The following DISC1 variants were observed in gnomAD, a reference collection of about 807,000 sequenced individuals.
DISC1 encodes DISC1 scaffold protein, also known as disrupted in schizophrenia 1 protein.
A neutral mutation model predicts 84.5 loss-of-function variants in DISC1; 57 were observed. The ratio of observed to expected loss-of-function variants is 0.67; its 90% CI spans 0.55 to 0.84. The LOEUF is 0.84. Among genes scored for constraint, DISC1 ranks in the 40% least tolerant of loss-of-function variants. The pLI is 0.00. For missense variants in DISC1, 1,000 were observed against 1,057.8 expected, an observed-to-expected ratio of 0.95 and a Z score of 0.76; for synonymous variants, 411 against 415.2, an observed-to-expected ratio of 0.99 and a Z score of 0.12.
At chr1:231,681,049 A>G (rs1572810591) in intron 1 of DISC1, among the ~76,000 whole-genome samples, 1 of 152,254 alleles carries the variant, frequency 6.6e-6, no homozygotes, top group East Asian at 1.9e-4. Context: ...TTATTAGGGC[A>G]GCAGTTAAAA....
chr1:231,989,939 A>C (rs1369549483), intron 10 of DISC1, among the ~76,000 whole-genome samples: 1 of 152,152 alleles, frequency 6.6e-6, no homozygotes, highest in Non-Finnish European at 1.5e-5. Flanking sequence ...TCTGGCTTCT[A>C]CACTACACTT....
intron 10 of DISC1, among the ~76,000 whole-genome samples, chr1:231,998,267 A>G (rs550974323): frequency 6.6e-5 from 10 of 152,342 alleles, no homozygotes; most frequent in Admixed American, 3.3e-4. Context: ...GAATAGCAAT[A>G]TGAAGATCAA....
chr1:232,001,530 T>C (rs2772120), intron 10 of DISC1, among the ~76,000 whole-genome samples: 43,822 of 151,998 alleles, frequency 0.29, 6,585 homozygotes, highest in African/African-American at 0.34. Context: ...TACAAAGAGA[T>C]ATAATCCAAC....
At chr1:231,839,398 C>T (rs6694216) in intron 9 of DISC1, among the ~76,000 whole-genome samples, 1,946 of 152,222 alleles carry the variant, frequency 0.013, 33 homozygotes, top group African/African-American at 0.044. Context: ...AGTGCCCTAG[C>T]GTATCATAAG....
intron 9 of DISC1, among the ~76,000 whole-genome samples, chr1:231,908,331 T>C (rs1253969719): frequency 6.6e-6 from 1 of 152,124 alleles, no homozygotes; most frequent in Non-Finnish European, 1.5e-5. Context: ...AGTCTTTAAT[T>C]CATCTTGAAT....
chr1:231,913,729 G>T (rs1468950235), intron 9 of DISC1, among the ~76,000 whole-genome samples: 3 of 152,180 alleles, frequency 2.0e-5, no homozygotes, highest in Non-Finnish European at 4.4e-5. Context: ...TCTTTCCTCT[G>T]ATTTCCCCAG....
At chr1:232,036,618 C>A in intron 12 of DISC1, 74 bp from the exon 13 acceptor site, 1 of 1,380,300 alleles carries the variant, frequency 7.2e-7, no homozygotes, top group East Asian at 2.6e-5. Context: ...AGCAGGCTCA[C>A]ACGCTCTTCG....
At chr1:231,679,562 C>T (rs1391712680) in intron 1 of DISC1, among the ~76,000 whole-genome samples, 1 of 152,182 alleles carries the variant, frequency 6.6e-6, no homozygotes, top group Non-Finnish European at 1.5e-5. Context: ...AACTAAAGCA[C>T]ACTTCAGATA....
intron 9 of DISC1, among the ~76,000 whole-genome samples, chr1:231,865,252 G>C (rs1157623985): frequency 6.6e-6 from 1 of 152,164 alleles, no homozygotes; most frequent in Non-Finnish European, 1.5e-5. Flanking sequence ...TTTCCTATTT[G>C]AAGTCCACAT....
intron 3 of DISC1, 60 bp downstream of exon 3, chr1:231,702,084 T>G: frequency 6.4e-7 from 1 of 1,571,282 alleles, no homozygotes; most frequent in Non-Finnish European, 8.6e-7. Flanking sequence ...CTTTCCATCT[T>G]TACTCATATC....
chr1:232,035,307 T>C (rs922731062), intron 12 of DISC1, among the ~76,000 whole-genome samples: 6 of 152,054 alleles, frequency 3.9e-5, no homozygotes, highest in African/African-American at 1.2e-4. Context: ...AAAATTAGCA[T>C]GGTGGCACAC....
chr1:231,950,084 C>G (rs1233074185), intron 9 of DISC1, among the ~76,000 whole-genome samples: 3 of 152,080 alleles, frequency 2.0e-5, no homozygotes, highest in African/African-American at 4.8e-5. Context: ...TTAAGAAGAT[C>G]AAGTGTGGAT....
intron 9 of DISC1, among the ~76,000 whole-genome samples, chr1:231,867,694 C>G (rs887697718): frequency 1.3e-5 from 2 of 152,212 alleles, no homozygotes; most frequent in Non-Finnish European, 2.9e-5. Context: ...CAGTTTTCCT[C>G]TCCTGTTGTT....
intron 9 of DISC1, among the ~76,000 whole-genome samples, chr1:231,918,850 C>T (rs750614449): frequency 5.9e-5 from 9 of 152,176 alleles, no homozygotes; most frequent in East Asian, 1.9e-4. Context: ...CGTGCACCAG[C>T]GCCCACCTCC....
At chr1:231,799,427 G>T (rs1039088570) in intron 7 of DISC1, among the ~76,000 whole-genome samples, 1 of 152,082 alleles carries the variant, frequency 6.6e-6, no homozygotes, top group African/African-American at 2.4e-5. Context: ...CTCACATAGA[G>T]CTCGTATCCC....
At chr1:231,713,583 ATAC>A (rs2068153128) in intron 3 of DISC1, among the ~76,000 whole-genome samples, 1 of 151,590 alleles carries the variant, frequency 6.6e-6, no homozygotes, top group Non-Finnish European at 1.5e-5. Context: ...GGACTTGAAG[ATAC>A]TACAATGGAA....
chr1:231,893,538 TTTC>T (rs1306205033), intron 9 of DISC1, among the ~76,000 whole-genome samples: 1 of 152,222 alleles, frequency 6.6e-6, no homozygotes, highest in African/African-American at 2.4e-5. Context: ...AAAGCATGTA[TTTC>T]TTGCTCATGG....
At chr1:232,014,399 G>A (rs563224279) in intron 11 of DISC1, among the ~76,000 whole-genome samples, 17 of 152,272 alleles carry the variant, frequency 1.1e-4, no homozygotes, top group African/African-American at 3.9e-4. Context: ...TTTGTTTAAT[G>A]TCTTTGGGGA....
Position 231,683,349 on chromosome 1 carries a change from C to T in DISC1, c.68-10477C>T, listed in dbSNP as rs558603629. On this transcript the variant is annotated intron_variant, in intron 1 of 12. Transcript: ENST00000439617. ...TGTCAAGAAGCACCAATACCGGAGG[C>T]CCATCCCTCGATGTTGTAATTTCAT... is the stretch of plus-strand genomic sequence containing the variant. 1.4e-4 allele frequency among the ~76,000 whole-genome samples: 22 copies of T among 152,170 alleles called. 1 individual carries two copies. The South Asian group carries it at 4.4e-3, about 30-fold the overall frequency.
Sources: allele counts gnomAD v4.1 joint callset (sites outside exome capture counted in the v4.1 genomes callset), GRCh38; gene constraint gnomAD v4.1.1; transcripts MANE v1.5; gene names NCBI Gene and HGNC (gene_info 2026-07-23, HGNC 2026-07-21).